The following DNAH7 variants were observed in gnomAD, a reference collection of about 807,000 sequenced individuals.
DNAH7 encodes the protein dynein axonemal heavy chain 7.
In DNAH7, 397 loss-of-function variants were observed where a neutral mutation model predicts 444.6. That is an observed-to-expected ratio of 0.89 (90% CI 0.82 to 0.97). The LOEUF (loss-of-function observed/expected upper bound fraction) is 0.97, where lower values mean the gene tolerates loss of function less well. DNAH7 is among the 50% of genes least tolerant of loss of function. The pLI, the probability that DNAH7 is intolerant of heterozygous loss-of-function variation, is 0.00. For synonymous variants in DNAH7, 1,636 were observed against 1,624.4 expected, an observed-to-expected ratio of 1.01 and a Z score of -0.17; for missense variants, 4,902 against 4,800.8, an observed-to-expected ratio of 1.02 and a Z score of -0.62.
chr2:195,754,667 T>C (rs777467711), intron 62 of DNAH7, among the ~76,000 whole-genome samples, 153 bp from the exon 63 acceptor site: 1 of 152,046 alleles, frequency 6.6e-6, no homozygotes, highest in Non-Finnish European at 1.5e-5. Context: ...CATACCACCA[T>C]GCCTGGCTAA....
intron 46 of DNAH7, among the ~76,000 whole-genome samples, chr2:195,848,586 A>G (rs1699160939): frequency 6.6e-6 from 1 of 152,266 alleles, no homozygotes; most frequent in South Asian, 2.1e-4. Flanking sequence ...AATGAAAGGC[A>G]GAACTCTGTT....
intron 5 of DNAH7, 22 bp downstream of exon 5, chr2:196,047,330 A>G (rs1697196234): frequency 6.5e-7 from 1 of 1,528,462 alleles, no homozygotes; most frequent in Non-Finnish European, 8.8e-7. Context: ...GTAACACGTA[A>G]TGGTTAGCCT....
chr2:195,976,732 AG>A, intron 15 of DNAH7, among the ~76,000 whole-genome samples: 1 of 145,112 alleles, frequency 6.9e-6, no homozygotes, highest in South Asian at 2.2e-4. Flanking sequence ...AGACAGAGAG[AG>A]ACAGAGAGGC....
chr2:195,774,806 C>T (rs1329240602), intron 60 of DNAH7, among the ~76,000 whole-genome samples: 1 of 152,172 alleles, frequency 6.6e-6, no homozygotes, highest in Non-Finnish European at 1.5e-5. Context: ...AAAGTATTAA[C>T]TGTTGCCATT....
At position 195,900,278 on chromosome 2, in the gene DNAH7, C is replaced by T; in HGVS notation, c.4548+4G>A. 1.9e-6 allele frequency: 3 copies of T among 1,613,728 alleles called. No individual in the cohort carries two copies. The highest frequency in any genetic ancestry group is 2.5e-6 in the Non-Finnish European group (3 of 1,179,706). On this transcript the variant is annotated splice_donor_region_variant and intron_variant, in intron 28 of 64. Transcript: ENST00000312428. ...TTACAAGTAAGAAATATTGTGTTCT[C>T]TACCTTCAGATTCCCAGCAGCAGTA...
intron 5 of DNAH7, among the ~76,000 whole-genome samples, chr2:196,041,268 A>G (rs541073941): frequency 6.6e-6 from 1 of 152,180 alleles, no homozygotes; most frequent in East Asian, 1.9e-4. Context: ...AACAACAACA[A>G]AAAGACCAAA....
At chr2:195,820,093 C>T (rs1330697235) in intron 49 of DNAH7, among the ~76,000 whole-genome samples, 2 of 152,158 alleles carry the variant, frequency 1.3e-5, no homozygotes, top group African/African-American at 2.4e-5. Flanking sequence ...GAGCACTCTT[C>T]GTCTACTACC....
At chr2:195,993,779 G>T (rs1201765532) in intron 12 of DNAH7, among the ~76,000 whole-genome samples, 3 of 152,222 alleles carry the variant, frequency 2.0e-5, no homozygotes, top group Non-Finnish European at 4.4e-5. Context: ...ATTTGCGGCA[G>T]TTCCATTCCA....
intron 17 of DNAH7, among the ~76,000 whole-genome samples, chr2:195,967,276 T>A (rs927830828): frequency 6.7e-6 from 1 of 149,994 alleles, no homozygotes; most frequent in African/African-American, 2.5e-5. Context: ...GCTTTTTAAC[T>A]TTTTTTGTTT....
chr2:195,991,193 T>C (rs1693315943), intron 12 of DNAH7, among the ~76,000 whole-genome samples: 1 of 151,988 alleles, frequency 6.6e-6, no homozygotes, highest in South Asian at 2.1e-4. Flanking sequence ...AACACAAAGC[T>C]AAACTGACTC....
At chr2:195,952,464 A>G (rs1362594321) in intron 19 of DNAH7, among the ~76,000 whole-genome samples, 1 of 151,780 alleles carries the variant, frequency 6.6e-6, no homozygotes, top group East Asian at 1.9e-4. Context: ...CTGAATTTGA[A>G]TGTTGGCCTG....
At position 195,970,029 on chromosome 2, in the gene DNAH7, T is replaced by C. The variant is rs1574913874; in HGVS notation, c.2124A>G (p.Ser708=). ...SYAKQSEEFY[S]FGDLQDVQRY... The stretch of plus-strand genomic sequence containing the variant: ...GCTGAACATCCTGAAGATCTCCAAA[T>C]GAATAAAATTCTTCTGATTGCTTAG... The change falls in exon 17 of 65, where the codon TCA becomes TCG. Residue 708 remains serine, a synonymous_variant. Coordinates refer to ENST00000312428, the MANE Select transcript of DNAH7 (RefSeq NM_018897.3). The C allele has an allele frequency of 1.9e-6, 3 of 1,613,122 alleles. No individual in the cohort carries two copies. Among genetic ancestry groups the C allele is most frequent in the Non-Finnish European group, 2.5e-6 (3 of 1,179,624 alleles).
In DNAH7 at chr2:195,758,971, C is replaced by T. The variant is rs1206947532; in HGVS notation, c.11434-2686G>A. ...TGAAAGGCAGTCTAGGCCACAGGAA[C>T]GACAATTCCTAGGCAAGGCCTAGTC... is the stretch of plus-strand genomic sequence containing the variant. On this transcript the variant is annotated intron_variant, in intron 61 of 64. Transcript: ENST00000312428. Among the ~76,000 whole-genome samples the T allele has an allele frequency of 3.3e-5, 5 of 152,322 alleles. No individual in the cohort carries two copies. The East Asian group carries it at 5.8e-4, about 18-fold the overall frequency.
Position 195,775,908 on chromosome 2 carries a change from C to T in DNAH7, c.11140G>A (p.Ala3714Thr), listed in dbSNP as rs375257469. 1 of 1,614,058 alleles carries T rather than the reference C, an allele frequency of 6.2e-7. No individual in the cohort carries two copies. The highest frequency in any genetic ancestry group is 8.5e-7 in the Non-Finnish European group (1 of 1,180,030). The change falls in exon 60 of 65, where the codon GCA becomes ACA. Residue 3714 changes from alanine (A) to threonine (T), a missense_variant. Ala to Thr is a moderately conservative substitution (Grantham distance 58). Transcript: ENST00000312428. Reference protein sequence around the residue: ...APEIFGMNANADITKDQSETQ... With the variant: ...APEIFGMNANTDITKDQSETQ... ...TCTGACTGATCCTTAGTGATATCTG[C>T]ATTGGCATTCATCCCAAAGATTTCT...
At chr2:195,920,007 G>T (rs1270727033) in intron 24 of DNAH7, among the ~76,000 whole-genome samples, 2 of 152,110 alleles carry the variant, frequency 1.3e-5, no homozygotes, top group Non-Finnish European at 2.9e-5. Flanking sequence ...TAAAGCATGG[G>T]ACTGGATGAG....
Position 195,970,019 on chromosome 2 carries a change from G to T in DNAH7, c.2134C>A (p.Leu712Ile), listed in dbSNP as rs1447151892. 2 of 1,612,448 alleles carry T rather than the reference G, an allele frequency of 1.2e-6. No homozygotes were observed. ...TTTAGGTACCGCTGAACATCCTGAA[G>T]ATCTCCAAATGAATAAAATTCTTCT... Reference protein sequence around the residue: ...QSEEFYSFGDLQDVQRYLKKA... With the variant: ...QSEEFYSFGDIQDVQRYLKKA... Residue 712 changes from leucine (L) to isoleucine (I), a missense_variant, in exon 17 of 65, where the codon CTT becomes ATT. Transcript: ENST00000312428.
At chr2:196,068,547 A>C in intron 1 of DNAH7, 150 bp downstream of exon 1, 1 of 1,042,538 alleles carries the variant, frequency 9.6e-7, no homozygotes, top group South Asian at 1.7e-5. Flanking sequence ...GAAAGCGCTC[A>C]GTAACCCAGG....
intron 40 of DNAH7, among the ~76,000 whole-genome samples, chr2:195,871,505 G>A (rs1488494358): frequency 6.6e-6 from 1 of 151,686 alleles, no homozygotes; most frequent in Non-Finnish European, 1.5e-5. Flanking sequence ...TCCCAAGAGA[G>A]CTTAAATACA....
chr2:195,746,484 C>T (rs1487896575), intron 63 of DNAH7, among the ~76,000 whole-genome samples: 2 of 152,308 alleles, frequency 1.3e-5, no homozygotes, highest in East Asian at 3.9e-4. Flanking sequence ...CTCAGCTCTG[C>T]ACCAAGCGGA....
Sources: allele counts gnomAD v4.1 joint callset (sites outside exome capture counted in the v4.1 genomes callset), GRCh38; gene constraint gnomAD v4.1.1; transcripts MANE v1.5; gene names NCBI Gene and HGNC (gene_info 2026-07-23, HGNC 2026-07-21).